The following TNN variants were observed in gnomAD, a reference collection of about 807,000 sequenced individuals.
TNN encodes the protein tenascin-N.
TNN carries 122 observed loss-of-function variants against 134.4 expected under a neutral mutation model. That is an observed-to-expected ratio of 0.91 (90% CI 0.78 to 1.06). The LOEUF (loss-of-function observed/expected upper bound fraction) is 1.06, where lower values mean the gene tolerates loss of function less well. Ranked by LOEUF, TNN falls within the 50% of genes least tolerant of loss-of-function variation. TNN has a pLI of 0.00. For missense variants in TNN, 1,739 were observed against 1,699.4 expected (o/e 1.02, Z -0.41); for synonymous variants, 710 against 670.3 (o/e 1.06, Z -0.91).
intron 11 of TNN, among the ~76,000 whole-genome samples, 172 bp downstream of exon 11, chr1:175,118,996 CA>C (rs1359199737): frequency 1.3e-5 from 2 of 152,148 alleles, no homozygotes; most frequent in Non-Finnish European, 2.9e-5. Context: ...AACAAAGAAA[CA>C]AAAAACTTTC....
At position 175,121,868 on chromosome 1, in the gene TNN, G is replaced by T. The variant is rs537331388; in HGVS notation, c.2651-1532G>T. 8.5e-5 allele frequency among the ~76,000 whole-genome samples: 13 copies of T among 152,306 alleles called. No homozygotes were observed. The South Asian group carries it at 2.7e-3, about 32-fold the overall frequency. Reference sequence around the variant, plus strand: ...AGCATCAAGACTTTTAAATATTTAAGTTCAAGATACTTGTGAGATTCCTTG... The same window carrying T: ...AGCATCAAGACTTTTAAATATTTAATTTCAAGATACTTGTGAGATTCCTTG... On this transcript the variant is annotated intron_variant, in intron 11 of 18. Coordinates refer to ENST00000239462, the MANE Select transcript of TNN (RefSeq NM_022093.2).
chr1:175,113,341 C>T (rs970720122), intron 9 of TNN, among the ~76,000 whole-genome samples: 4 of 152,178 alleles, frequency 2.6e-5, no homozygotes, highest in Non-Finnish European at 4.4e-5. Context: ...TCTCAGTTGA[C>T]AGCTTTTTTT....
At chr1:175,142,878 A>C (rs1675972483) in intron 17 of TNN, among the ~76,000 whole-genome samples, 1 of 152,136 alleles carries the variant, frequency 6.6e-6, no homozygotes, top group Non-Finnish European at 1.5e-5. Flanking sequence ...GGCCTCTCAA[A>C]GTGCTGGGAT....
At chr1:175,108,571 C>G (rs1037597076) in intron 9 of TNN, among the ~76,000 whole-genome samples, 2 of 152,240 alleles carry the variant, frequency 1.3e-5, no homozygotes, top group Non-Finnish European at 2.9e-5. Context: ...AAGGCTTAGG[C>G]ATGGCGGGCT....
chr1:175,135,072 G>A (rs1675763129), intron 15 of TNN, among the ~76,000 whole-genome samples: 1 of 152,032 alleles, frequency 6.6e-6, no homozygotes, highest in Admixed American at 6.6e-5. Flanking sequence ...CCGTGCTCTT[G>A]CCTGACCACT....
At chr1:175,108,529 T>C (rs1019456528) in intron 9 of TNN, among the ~76,000 whole-genome samples, 3 of 152,142 alleles carry the variant, frequency 2.0e-5, no homozygotes, top group Non-Finnish European at 4.4e-5. Flanking sequence ...TTGGGGAGGC[T>C]CGGGCTGCAC....
At chr1:175,140,449 C>T (rs1675919241) in intron 17 of TNN, among the ~76,000 whole-genome samples, 1 of 152,234 alleles carries the variant, frequency 6.6e-6, no homozygotes, top group Non-Finnish European at 1.5e-5. Flanking sequence ...CTCACTCAGG[C>T]CTGTCCTCCC....
At chr1:175,136,083 G>T in intron 16 of TNN, 142 bp downstream of exon 16, 1 of 633,120 alleles carries the variant, frequency 1.6e-6, no homozygotes. Flanking sequence ...CGAGCAGGGT[G>T]TTGGTGGGCA....
chr1:175,134,197 C>T (rs556637237), intron 15 of TNN, among the ~76,000 whole-genome samples: 4 of 152,294 alleles, frequency 2.6e-5, no homozygotes, highest in Admixed American at 1.3e-4. Context: ...TTTTCATTCA[C>T]TAGCACACCT....
rs1053022387 is a variant in TNN at position 175,079,259 on chromosome 1, G to A, written c.410-74G>A. The A allele has an allele frequency of 2.1e-6, 3 of 1,444,526 alleles. No individual in the cohort carries two copies. In the East Asian group the frequency reaches 7.7e-5, roughly 37 times the overall value. 89.5% of individuals were successfully genotyped at this position (1,444,526 alleles called of 1,614,324 possible). A position where few individuals can be genotyped will look rare whatever the true frequency, so the allele number is the denominator to read the frequency against. ...GGCTAATGATTTCTGGGTCTTGCAT[G>A]GCTGATCTCAGAGGAAGGAGATCCC... On this transcript the variant is annotated intron_variant, in intron 2 of 18. Transcript: ENST00000239462.
intron 17 of TNN, among the ~76,000 whole-genome samples, chr1:175,143,458 G>C (rs1220750099): frequency 2.0e-5 from 3 of 151,946 alleles, no homozygotes; most frequent in African/African-American, 7.3e-5. Context: ...ATGTAATGAA[G>C]GACTGAATTT....
chr1:175,105,072 C>T (rs541567618), intron 9 of TNN, among the ~76,000 whole-genome samples: 1 of 146,124 alleles, frequency 6.8e-6, no homozygotes, highest in East Asian at 2.3e-4. Flanking sequence ...CTTTCATTTA[C>T]TTGACTAGGA....
chr1:175,130,247 G>T (rs1675640835), intron 15 of TNN, among the ~76,000 whole-genome samples: 1 of 152,154 alleles, frequency 6.6e-6, no homozygotes, highest in Admixed American at 6.5e-5. Context: ...TTCACTCAGG[G>T]GCCTGGGAAA....
intron 4 of TNN, 134 bp from the exon 5 acceptor site, chr1:175,083,616 A>G (rs1674251769): frequency 2.7e-6 from 2 of 751,326 alleles, no homozygotes; most frequent in Admixed American, 2.9e-5. Flanking sequence ...CCTGCTAAGA[A>G]CTGTGTCCTG....
intron 6 of TNN, among the ~76,000 whole-genome samples, chr1:175,090,783 TCTAA>T (rs1674426810): frequency 6.6e-6 from 1 of 152,212 alleles, no homozygotes; most frequent in Admixed American, 6.5e-5. Context: ...GCACCTTTAT[TCTAA>T]CTAACGTATG....
At chr1:175,117,670 T>C (rs1675220492) in intron 10 of TNN, among the ~76,000 whole-genome samples, 1 of 152,152 alleles carries the variant, frequency 6.6e-6, no homozygotes, top group Admixed American at 6.5e-5. Context: ...TAACTAGAAA[T>C]TATGATAAGT....
intron 15 of TNN, among the ~76,000 whole-genome samples, chr1:175,132,395 C>T (rs1675698785): frequency 1.3e-5 from 2 of 152,094 alleles, no homozygotes; most frequent in Non-Finnish European, 2.9e-5. Flanking sequence ...GCTCCAGGGC[C>T]AGCACTCACG....
intron 9 of TNN, among the ~76,000 whole-genome samples, chr1:175,111,232 C>G (rs533360139): frequency 6.6e-6 from 1 of 152,074 alleles, no homozygotes; most frequent in Non-Finnish European, 1.5e-5. Flanking sequence ...GCAGGAGAAT[C>G]GCTTGAACCT....
chr1:175,107,096 G>A (rs1005463870), intron 9 of TNN, among the ~76,000 whole-genome samples: 1 of 146,032 alleles, frequency 6.8e-6, no homozygotes, highest in African/African-American at 2.5e-5. Context: ...TCCCTTCGTG[G>A]TCGCCAAAAT....
Sources: gnomAD v4.1 joint callset for allele counts (sites outside exome capture counted in the v4.1 genomes callset) on GRCh38, gnomAD v4.1.1 for gene constraint, MANE v1.5 for transcripts, NCBI Gene and HGNC (gene_info 2026-07-23, HGNC 2026-07-21) for gene names.